RCAN1: variants seen among roughly 807,000 people sequenced by gnomAD.
RCAN1 encodes calcipressin-1.
Under a neutral mutation model 22.9 loss-of-function variants are expected in RCAN1, and 11 were observed. The ratio of observed to expected loss-of-function variants is 0.48; its 90% CI spans 0.30 to 0.79. The LOEUF (loss-of-function observed/expected upper bound fraction) is 0.79. Among genes scored for constraint, RCAN1 ranks in the 30% least tolerant of loss-of-function variants. The pLI is 0.06. For missense variants in RCAN1, 291 were observed against 337.8 expected (o/e 0.86, Z 1.09); for synonymous variants, 136 against 142.3 (o/e 0.96, Z 0.32).
intron 1 of RCAN1, among the ~76,000 whole-genome samples, chr21:34,534,975 T>C (rs551992135): frequency 8.5e-5 from 13 of 152,188 alleles, no homozygotes; most frequent in African/African-American, 1.2e-4. Flanking sequence ...ACCAACCCCA[T>C]GACAAGAGGA....
intron 1 of RCAN1, among the ~76,000 whole-genome samples, chr21:34,551,816 C>G (rs1245767106): frequency 6.6e-6 from 1 of 152,058 alleles, no homozygotes; most frequent in Non-Finnish European, 1.5e-5. Context: ...AGAATGAAGA[C>G]TTAGGAATAG....
At chr21:34,588,065 A>G (rs976844748) in intron 1 of RCAN1, among the ~76,000 whole-genome samples, 2 of 152,232 alleles carry the variant, frequency 1.3e-5, no homozygotes, top group South Asian at 2.1e-4. Flanking sequence ...GCCAGTCACT[A>G]TAATTGTATG....
chr21:34,584,125 G>A (rs969432677), intron 1 of RCAN1, among the ~76,000 whole-genome samples: 4 of 152,212 alleles, frequency 2.6e-5, no homozygotes, highest in African/African-American at 7.2e-5. Flanking sequence ...ATCACAGCCT[G>A]CTGCTGTCAT....
chr21:34,614,745 C>T lies in RCAN1; in HGVS notation c.252+15G>A, dbSNP rs1280723331. 1 of 1,414,960 alleles carries T rather than the reference C, an allele frequency of 7.1e-7. No homozygotes were observed. Among genetic ancestry groups the T allele is most frequent in the Non-Finnish European group, 9.3e-7 (1 of 1,078,406 alleles). 87.7% of individuals were successfully genotyped at this position (1,414,960 alleles called of 1,614,324 possible). On this transcript the variant is annotated intron_variant, in intron 1 of 3. Transcript: ENST00000313806. This position sits in a 1 kb window ranked among gnomAD's most constrained non-coding sequence, Gnocchi z 6.0. ...CCGCCCTCCGCCCCGACGGCCCGCC[C>T]GGCGCGGTCCTCACCCGGCACAGGC... is the stretch of plus-strand genomic sequence containing the variant.
Position 34,527,077 on chromosome 21 carries a change from A to G in RCAN1, c.253-3367T>C, listed in dbSNP as rs1006232035. ...GGAAAAAACAGCTGAGGTTTGCTTCACAGCTGCTTTATCAACCTCTCTTGC... is the reference window on the plus strand; with the variant it reads ...GGAAAAAACAGCTGAGGTTTGCTTCGCAGCTGCTTTATCAACCTCTCTTGC... On this transcript the variant is annotated intron_variant, in intron 1 of 3. Transcript: ENST00000313806. 15 of 662,110 alleles carry G rather than the reference A, an allele frequency of 2.3e-5. No homozygotes were observed. In the African/African-American group the frequency reaches 2.7e-4, roughly 12 times the overall value. The allele number at this position is 662,110 out of a possible 1,614,324, so 41.0% of individuals were successfully genotyped here.
At chr21:34,590,090 C>T (rs765354320) in intron 1 of RCAN1, among the ~76,000 whole-genome samples, 1 of 152,234 alleles carries the variant, frequency 6.6e-6, no homozygotes, top group Non-Finnish European at 1.5e-5. Context: ...CACAGTCTGT[C>T]TGCCAGAGGC....
At chr21:34,543,003 A>G (rs2284577) in intron 1 of RCAN1, among the ~76,000 whole-genome samples, 36,360 of 152,108 alleles carry the variant, frequency 0.24, 5,050 homozygotes, top group African/African-American at 0.38. Flanking sequence ...TGTGCTTCAG[A>G]TTCTTCATCT....
chr21:34,556,429 A>AAAT (rs56236946), intron 1 of RCAN1, among the ~76,000 whole-genome samples: 31,166 of 145,364 alleles, frequency 0.21, 3,655 homozygotes, highest in East Asian at 0.29. Context: ...TTGTCTCAAA[A>AAAT]AATAATAATA....
At chr21:34,570,117 T>C (rs1987182770) in intron 1 of RCAN1, among the ~76,000 whole-genome samples, 4 of 152,230 alleles carry the variant, frequency 2.6e-5, no homozygotes, top group Admixed American at 6.5e-5. Flanking sequence ...TAAATCCCTA[T>C]ATAAATGCAG....
intron 1 of RCAN1, among the ~76,000 whole-genome samples, chr21:34,552,374 G>A (rs1196108546): frequency 6.6e-6 from 1 of 152,152 alleles, no homozygotes; most frequent in Non-Finnish European, 1.5e-5. Context: ...TAAGGTAGAG[G>A]GGGAGGAAGA....
chr21:34,603,657 C>A (rs543250657), intron 1 of RCAN1, among the ~76,000 whole-genome samples: 1 of 152,202 alleles, frequency 6.6e-6, no homozygotes, highest in South Asian at 2.1e-4. Context: ...CCAGTTACCC[C>A]GGGATTCCAC....
chr21:34,590,114 A>C (rs185595330), intron 1 of RCAN1, among the ~76,000 whole-genome samples: 6 of 152,120 alleles, frequency 3.9e-5, no homozygotes, highest in Admixed American at 2.6e-4. Context: ...TGTGCCAACC[A>C]TTTCCTCTGC....
At chr21:34,544,210 T>C (rs553167027) in intron 1 of RCAN1, among the ~76,000 whole-genome samples, 1 of 152,258 alleles carries the variant, frequency 6.6e-6, no homozygotes, top group Non-Finnish European at 1.5e-5. Context: ...CTGTGATGGA[T>C]TCTGTTTCCA....
intron 3 of RCAN1, among the ~76,000 whole-genome samples, chr21:34,520,029 T>C (rs924126949): frequency 9.2e-5 from 14 of 152,170 alleles, no homozygotes; most frequent in African/African-American, 3.4e-4. Context: ...GTCTCTTATC[T>C]ACCTACTAAT....
chr21:34,537,932 C>T (rs916168618), intron 1 of RCAN1, among the ~76,000 whole-genome samples: 2 of 152,208 alleles, frequency 1.3e-5, no homozygotes, highest in East Asian at 3.8e-4. Flanking sequence ...TTGTCTCCCA[C>T]TCCTGAAATT....
At chr21:34,567,380 C>T (rs1987062071) in intron 1 of RCAN1, among the ~76,000 whole-genome samples, 1 of 151,950 alleles carries the variant, frequency 6.6e-6, no homozygotes, top group Admixed American at 6.6e-5. Flanking sequence ...GCCTGTAGTC[C>T]CAGCTACTCG....
At chr21:34,526,878 C>CT in intron 1 of RCAN1, 1 of 1,452,858 alleles carries the variant, frequency 6.9e-7, no homozygotes, top group Non-Finnish European at 9.0e-7. Context: ...CCCCCACTCC[C>CT]TGGGGAAAAA....
intron 1 of RCAN1, among the ~76,000 whole-genome samples, chr21:34,589,542 G>A (rs947864668): frequency 1.3e-5 from 2 of 152,256 alleles, no homozygotes; most frequent in Middle Eastern, 3.4e-3. Flanking sequence ...AACTGGCCCC[G>A]GTGTGTGCAG....
At chr21:34,611,167 T>C (rs1427070383) in intron 1 of RCAN1, among the ~76,000 whole-genome samples, 1 of 152,174 alleles carries the variant, frequency 6.6e-6, no homozygotes, top group African/African-American at 2.4e-5. Flanking sequence ...CTAACCATTT[T>C]CAGCAATTCA....
Sources: allele counts gnomAD v4.1 joint callset (sites outside exome capture counted in the v4.1 genomes callset), GRCh38; gene constraint gnomAD v4.1.1; non-coding constraint Gnocchi (gnomAD v3.1); transcripts MANE v1.5; gene names NCBI Gene and HGNC (gene_info 2026-07-23, HGNC 2026-07-21).